Variants in ROR1 observed in about 807,000 individuals in gnomAD.
ROR1 encodes the protein ROR family WNT receptor 1.
A neutral mutation model predicts 78.8 loss-of-function variants in ROR1; 19 were observed. The ratio of observed to expected loss-of-function variants is 0.24; its 90% CI spans 0.17 to 0.35. ROR1 has a LOEUF of 0.35. Among genes scored for constraint, ROR1 ranks in the 10% least tolerant of loss-of-function variants. The pLI is 1.00. For synonymous variants in ROR1, 386 were observed against 433.6 expected, an observed-to-expected ratio of 0.89 and a Z score of 1.36; for missense variants, 917 against 1,177.8, an observed-to-expected ratio of 0.78 and a Z score of 3.24.
chr1:63,866,534 C>A (rs1645216456), intron 1 of ROR1, among the ~76,000 whole-genome samples: 1 of 152,270 alleles, frequency 6.6e-6, no homozygotes, highest in East Asian at 1.9e-4. Context: ...TGGGAATTGG[C>A]TGAATTTCCT....
intron 4 of ROR1, among the ~76,000 whole-genome samples, chr1:64,102,850 A>C (rs914371743): frequency 2.1e-4 from 32 of 152,162 alleles, no homozygotes; most frequent in African/African-American, 7.7e-4. Context: ...GCTGCTTAGC[A>C]GCATCCCTGG....
chr1:64,030,716 C>G (rs1201740360), intron 2 of ROR1, among the ~76,000 whole-genome samples: 1 of 152,168 alleles, frequency 6.6e-6, no homozygotes, highest in African/African-American at 2.4e-5. Context: ...CAGGAATTCT[C>G]TATCCCTGAC....
chr1:63,843,348 T>C, intron 1 of ROR1: 1 of 995,142 alleles, frequency 1.0e-6, no homozygotes, highest in Non-Finnish European at 1.6e-6. Flanking sequence ...ATAGATCATT[T>C]TGCTTTTAAG....
At chr1:64,087,399 C>T (rs970768956) in intron 4 of ROR1, among the ~76,000 whole-genome samples, 4 of 152,314 alleles carry the variant, frequency 2.6e-5, no homozygotes, top group East Asian at 1.9e-4. Flanking sequence ...TCTGCCAATG[C>T]GGTTGGCATT....
At chr1:63,829,872 G>A (rs565308916) in intron 1 of ROR1, among the ~76,000 whole-genome samples, 17 of 152,098 alleles carry the variant, frequency 1.1e-4, no homozygotes, top group Admixed American at 5.2e-4. Flanking sequence ...TTATTTCCTC[G>A]CCAAGGAACT....
chr1:64,156,829 A>G (rs1649788340), intron 7 of ROR1, among the ~76,000 whole-genome samples: 1 of 152,140 alleles, frequency 6.6e-6, no homozygotes, highest in Non-Finnish European at 1.5e-5. Flanking sequence ...GAGGAACCCT[A>G]CTATGAGAAA....
In ROR1 at chr1:64,142,421, C is replaced by T. The variant is rs775605040; in HGVS notation, c.945C>T (p.Asn315=). ...DPINKNHKCY[N]STGVDYRGTV... ...GTTTTTCAGATCACAAGTGTTATAACAGCACAGGTGTGGACTACCGGGGGA... is the reference window on the plus strand; with the variant it reads ...GTTTTTCAGATCACAAGTGTTATAATAGCACAGGTGTGGACTACCGGGGGA... The change falls in exon 7 of 9, where the codon AAC becomes AAT. Residue 315 remains asparagine, a synonymous_variant. Transcript: ENST00000371079. The T allele has an allele frequency of 4.3e-6, 7 of 1,614,074 alleles. No individual in the cohort carries two copies. The East Asian group carries it at 1.3e-4, about 31-fold the overall frequency.
intron 1 of ROR1, among the ~76,000 whole-genome samples, chr1:63,837,451 C>T (rs1645024396): frequency 6.6e-6 from 1 of 152,118 alleles, no homozygotes; most frequent in South Asian, 2.1e-4. Flanking sequence ...TTAGACTGAA[C>T]TCAGTACTTT....
chr1:63,988,648 C>T (rs1276991538), intron 1 of ROR1, among the ~76,000 whole-genome samples: 1 of 152,196 alleles, frequency 6.6e-6, no homozygotes, highest in Non-Finnish European at 1.5e-5. Flanking sequence ...TCCACCCCAC[C>T]CTGCCTCTGC....
At chr1:63,979,653 G>A (rs1187637389) in intron 1 of ROR1, among the ~76,000 whole-genome samples, 1 of 152,134 alleles carries the variant, frequency 6.6e-6, no homozygotes, top group African/African-American at 2.4e-5. Flanking sequence ...AAGCCAGTGG[G>A]CATGGGGCTC....
intron 4 of ROR1, among the ~76,000 whole-genome samples, chr1:64,075,443 T>G (rs1384176087): frequency 1.3e-5 from 2 of 152,200 alleles, no homozygotes; most frequent in Non-Finnish European, 2.9e-5. Flanking sequence ...AGAAGCTTCT[T>G]CATAGGGGTT....
intron 1 of ROR1, among the ~76,000 whole-genome samples, chr1:63,893,307 G>A (rs1645414172): frequency 6.6e-6 from 1 of 152,038 alleles, no homozygotes; most frequent in African/African-American, 2.4e-5. Flanking sequence ...CCAGCTTAGG[G>A]CCCTGTTTCT....
At chr1:64,050,762 G>T in intron 4 of ROR1, 46 bp downstream of exon 4, 2 of 1,598,868 alleles carry the variant, frequency 1.3e-6, no homozygotes, top group Admixed American at 1.7e-5. Context: ...GTGTTTCTCC[G>T]TGGTTTTCTA....
chr1:63,931,638 C>G (rs1349209056), intron 1 of ROR1, among the ~76,000 whole-genome samples: 1 of 152,198 alleles, frequency 6.6e-6, no homozygotes, highest in African/African-American at 2.4e-5. Context: ...GGACCTGCAT[C>G]CTTCCTTTGT....
At chr1:63,818,358 G>A (rs1371030657) in intron 1 of ROR1, among the ~76,000 whole-genome samples, 1 of 152,164 alleles carries the variant, frequency 6.6e-6, no homozygotes, top group East Asian at 1.9e-4. Context: ...GCATAGAAAT[G>A]TATTTTTTTC....
At chr1:64,159,705 A>G (rs570043451) in intron 8 of ROR1, among the ~76,000 whole-genome samples, 1 of 152,232 alleles carries the variant, frequency 6.6e-6, no homozygotes, top group African/African-American at 2.4e-5. Flanking sequence ...AATCCTTTGT[A>G]TGCCTAACTT....
At chr1:64,080,385 T>G (rs1335024404) in intron 4 of ROR1, among the ~76,000 whole-genome samples, 1 of 152,110 alleles carries the variant, frequency 6.6e-6, no homozygotes, top group Non-Finnish European at 1.5e-5. Context: ...AAAATGACAA[T>G]AGTGCTGAGG....
chr1:64,169,446 T>G (rs923234566), intron 8 of ROR1, among the ~76,000 whole-genome samples: 1 of 152,120 alleles, frequency 6.6e-6, no homozygotes, highest in Non-Finnish European at 1.5e-5. Context: ...TCATGAGACT[T>G]ATTCACTATC....
At chr1:63,926,321 T>C (rs1645703542) in intron 1 of ROR1, among the ~76,000 whole-genome samples, 1 of 151,390 alleles carries the variant, frequency 6.6e-6, no homozygotes, top group African/African-American at 2.4e-5. Flanking sequence ...GATCAGATAG[T>C]TGTAGATATG....
Sources: allele counts gnomAD v4.1 joint callset (sites outside exome capture counted in the v4.1 genomes callset), GRCh38; gene constraint gnomAD v4.1.1; transcripts MANE v1.5; gene names NCBI Gene and HGNC (gene_info 2026-07-23, HGNC 2026-07-21).